FAM193A: variants seen among roughly 807,000 people sequenced by gnomAD.
FAM193A encodes the protein protein FAM193A.
A neutral mutation model predicts 126.5 loss-of-function variants in FAM193A; 22 were observed. The ratio of observed to expected loss-of-function variants is 0.17; its 90% CI spans 0.12 to 0.25. FAM193A has a LOEUF of 0.25. Ranked by LOEUF, FAM193A falls within the 10% of genes least tolerant of loss-of-function variation. The pLI is 1.00. For synonymous variants in FAM193A, 761 were observed against 646.8 expected (o/e 1.18, Z -2.68); for missense variants, 1,675 against 1,672.8 (o/e 1.00, Z -0.02).
In FAM193A at chr4:2,700,097, C is replaced by T; in HGVS notation, c.3925C>T (p.Leu1309Phe). 2.5e-6 allele frequency: 4 copies of T among 1,613,936 alleles called. No individual in the cohort carries two copies. In the South Asian group the frequency reaches 3.3e-5, roughly 13 times the overall value. Residue 1309 changes from leucine (L) to phenylalanine (F), a missense_variant, in exon 19 of 21, where the codon CTC (leucine) becomes TTC (phenylalanine). Physicochemically the swap from Leu to Phe is conservative, Grantham distance 22 (BLOSUM62 0). Around this residue, in one of 4 missense-constraint regions of FAM193A, gnomAD observed 415 missense variants for 396.7 expected, o/e 1.05. Transcript: ENST00000637812. ...PVDTRDSKFL[L>F]PKEVNGKQHE... ...CGACACCAGAGACTCCAAATTTCTC[C>T]TCCCCAAGGAGGTGAATGGGAAGCA...
intron 6 of FAM193A, among the ~76,000 whole-genome samples, chr4:2,644,155 G>GC: frequency 6.6e-6 from 1 of 152,288 alleles, no homozygotes; most frequent in South Asian, 2.1e-4. Context: ...AGCTTTGCTT[G>GC]CAGGGAAGCC....
intron 8 of FAM193A, among the ~76,000 whole-genome samples, chr4:2,658,843 C>G (rs930870668): frequency 6.6e-6 from 1 of 152,160 alleles, no homozygotes; most frequent in Non-Finnish European, 1.5e-5. Context: ...CTCTGCCTCC[C>G]GGGTTCAAGC....
chr4:2,602,677 T>A (rs1343137341), intron 2 of FAM193A, among the ~76,000 whole-genome samples: 1 of 152,072 alleles, frequency 6.6e-6, no homozygotes, highest in Non-Finnish European at 1.5e-5. Context: ...TGTTTTTGTT[T>A]TGTGACGGAA....
chr4:2,631,223 G>T, intron 5 of FAM193A, 54 bp downstream of exon 5: 1 of 1,519,804 alleles, frequency 6.6e-7, no homozygotes, highest in Non-Finnish European at 8.9e-7. Flanking sequence ...AGAGAAGCAT[G>T]TGGCAAGAGG....
intron 10 of FAM193A, among the ~76,000 whole-genome samples, chr4:2,660,773 A>C (rs1454937796): frequency 6.6e-6 from 1 of 152,186 alleles, no homozygotes; most frequent in Non-Finnish European, 1.5e-5. Context: ...ACTTGTGTTC[A>C]TTCCTTCTGT....
At chr4:2,551,108 A>G (rs960357544) in intron 1 of FAM193A, among the ~76,000 whole-genome samples, 11 of 152,062 alleles carry the variant, frequency 7.2e-5, no homozygotes, top group Non-Finnish European at 1.5e-5. Flanking sequence ...TTTATTTTTT[A>G]ATTGCTAGAC....
chr4:2,578,429 C>G (rs919627492), intron 1 of FAM193A, among the ~76,000 whole-genome samples: 1 of 151,644 alleles, frequency 6.6e-6, no homozygotes, highest in Non-Finnish European at 1.5e-5. Flanking sequence ...TCATTTGATT[C>G]TGTGGCAACC....
intron 18 of FAM193A, among the ~76,000 whole-genome samples, chr4:2,698,944 A>G (rs925386121): frequency 6.6e-6 from 1 of 152,146 alleles, no homozygotes; most frequent in Non-Finnish European, 1.5e-5. Context: ...TTTACTACAC[A>G]TTGCTTTTTG....
intron 13 of FAM193A, among the ~76,000 whole-genome samples, chr4:2,686,518 G>A (rs889173655): frequency 5.9e-5 from 9 of 152,150 alleles, no homozygotes; most frequent in Non-Finnish European, 7.3e-5. Flanking sequence ...AAGTAACACC[G>A]AAGAGAGAAA....
At chr4:2,583,504 T>C (rs1740068940) in intron 1 of FAM193A, among the ~76,000 whole-genome samples, 1 of 152,152 alleles carries the variant, frequency 6.6e-6, no homozygotes, top group African/African-American at 2.4e-5. Flanking sequence ...TTCTTTCCCC[T>C]CCTTCCTGGC....
chr4:2,572,641 C>G (rs1038120830), intron 1 of FAM193A, among the ~76,000 whole-genome samples: 1 of 152,026 alleles, frequency 6.6e-6, no homozygotes, highest in Non-Finnish European at 1.5e-5. Flanking sequence ...CGACATGTTG[C>G]TGGTAGCTGG....
chr4:2,637,657 C>T (rs919767810), intron 5 of FAM193A, among the ~76,000 whole-genome samples: 1 of 152,194 alleles, frequency 6.6e-6, no homozygotes, highest in African/African-American at 2.4e-5. Context: ...TTCCATAGGC[C>T]TCACCTCTCG....
At chr4:2,696,621 G>C in intron 18 of FAM193A, 28 bp downstream of exon 18, 1 of 1,569,804 alleles carries the variant, frequency 6.4e-7, no homozygotes, top group Non-Finnish European at 8.8e-7. Context: ...GCACCTGGAG[G>C]CGCCAGGTCT....
intron 10 of FAM193A, among the ~76,000 whole-genome samples, chr4:2,661,911 C>T (rs1712491217): frequency 6.6e-6 from 1 of 152,196 alleles, no homozygotes; most frequent in Non-Finnish European, 1.5e-5. Context: ...AGGCCGGGTG[C>T]AGTGGCTGAT....
At chr4:2,610,351 AAG>A (rs1273871951) in intron 2 of FAM193A, among the ~76,000 whole-genome samples, 1 of 152,246 alleles carries the variant, frequency 6.6e-6, no homozygotes, top group Non-Finnish European at 1.5e-5. Context: ...CCAGCCATTT[AAG>A]AGTTTGCTAG....
intron 2 of FAM193A, among the ~76,000 whole-genome samples, chr4:2,599,283 G>A (rs142399539): frequency 2.0e-5 from 3 of 151,942 alleles, no homozygotes; most frequent in African/African-American, 7.2e-5. Flanking sequence ...AGGTGAAACA[G>A]TAAGTGTGTC....
intron 1 of FAM193A, among the ~76,000 whole-genome samples, chr4:2,571,212 A>G (rs1416837150): frequency 6.6e-6 from 1 of 152,134 alleles, no homozygotes; most frequent in East Asian, 1.9e-4. Context: ...GGACCAAATT[A>G]TGTTTTTATG....
intron 5 of FAM193A, among the ~76,000 whole-genome samples, chr4:2,636,122 C>G (rs1744066403): frequency 6.6e-6 from 1 of 151,146 alleles, no homozygotes; most frequent in Non-Finnish European, 1.5e-5. Flanking sequence ...CGCTGTGTCC[C>G]TCATGATCTC....
intron 20 of FAM193A, among the ~76,000 whole-genome samples, chr4:2,720,451 A>C (rs1351284262): frequency 3.3e-5 from 5 of 152,150 alleles, no homozygotes; most frequent in Non-Finnish European, 7.3e-5. Context: ...CAGGAGTTTG[A>C]GACCAGCCTG....
Sources: gnomAD v4.1 joint callset for allele counts (sites outside exome capture counted in the v4.1 genomes callset) on GRCh38, gnomAD v4.1.1 for gene constraint, gnomAD v4.1.1 regional missense constraint, MANE v1.5 for transcripts, NCBI Gene and HGNC (gene_info 2026-07-23, HGNC 2026-07-21) for gene names.